The following PABPC4L variants were observed in gnomAD, a reference collection of about 807,000 sequenced individuals.
The protein encoded by PABPC4L is polyadenylate-binding protein 4-like.
For synonymous variants in PABPC4L, 169 were observed against 164.1 expected, an observed-to-expected ratio of 1.03 and a Z score of -0.23; for missense variants, 452 against 451.4, an observed-to-expected ratio of 1.00 and a Z score of -0.01.
At chr4:134,110,541 T>A in the PABPC4L span, among the ~76,000 whole-genome samples, 2 of 149,718 alleles carry the variant, frequency 1.3e-5, no homozygotes, top group East Asian at 2.0e-4. Context: ...GAATAAAAAG[T>A]GTATCTTTCT....
the PABPC4L span, among the ~76,000 whole-genome samples, chr4:134,107,679 A>G: frequency 6.6e-6 from 1 of 151,766 alleles, no homozygotes; most frequent in East Asian, 1.9e-4. Context: ...TAATTAATCA[A>G]TAATTTACCC....
chr4:134,078,821 T>C, the PABPC4L span, among the ~76,000 whole-genome samples: 1 of 150,700 alleles, frequency 6.6e-6, no homozygotes, highest in East Asian at 2.0e-4. Flanking sequence ...CCTGGCTAAT[T>C]TTTTTTTCTT....
chr4:134,171,221 T>C, the PABPC4L span, among the ~76,000 whole-genome samples: 1 of 152,100 alleles, frequency 6.6e-6, no homozygotes, highest in East Asian at 1.9e-4. Flanking sequence ...GTTCAAGCAA[T>C]TATGCTGCCT....
the PABPC4L span, among the ~76,000 whole-genome samples, chr4:133,952,755 C>T: frequency 6.6e-6 from 1 of 152,060 alleles, no homozygotes; most frequent in African/African-American, 2.4e-5. Context: ...CTTTTATTTG[C>T]CCCTCCTCTA....
the PABPC4L span, among the ~76,000 whole-genome samples, chr4:133,997,821 G>T: frequency 2.0e-5 from 3 of 152,138 alleles, no homozygotes; most frequent in African/African-American, 7.2e-5. Flanking sequence ...TCACTTCCGT[G>T]TAATGCATGT....
the PABPC4L span, among the ~76,000 whole-genome samples, chr4:133,958,935 C>G: frequency 2.0e-5 from 3 of 152,120 alleles, no homozygotes; most frequent in African/African-American, 7.2e-5. Context: ...CTAAGTTCTC[C>G]CAGTTTGTTA....
chr4:134,201,061 T>C lies in PABPC4L; in HGVS notation c.-42A>G, dbSNP rs1639462182. 1.9e-6 allele frequency: 3 copies of C among 1,551,538 alleles called. No homozygotes were observed. The highest frequency in any genetic ancestry group is 2.6e-6 in the Non-Finnish European group (3 of 1,146,952). ...CTGTGAGTTTGTCCCCTGGAGTTCT[T>C]TGAGCAATCCCTGTGGGGGGATACT... is the stretch of plus-strand genomic sequence containing the variant. On this transcript the variant is annotated 5_prime_UTR_variant, in exon 2 of 2. Transcript: ENST00000421491.
chr4:134,032,858 T>A, the PABPC4L span, among the ~76,000 whole-genome samples: 1 of 151,848 alleles, frequency 6.6e-6, no homozygotes, highest in African/African-American at 2.4e-5. Flanking sequence ...GATGTTAAAC[T>A]GAGTTTTTAT....
At chr4:133,960,405 G>A in the PABPC4L span, among the ~76,000 whole-genome samples, 4 of 152,166 alleles carry the variant, frequency 2.6e-5, no homozygotes, top group South Asian at 4.1e-4. Flanking sequence ...GAGGAGCAAC[G>A]GAAAGACCCT....
the PABPC4L span, among the ~76,000 whole-genome samples, chr4:134,123,017 A>C: frequency 6.6e-6 from 1 of 152,016 alleles, no homozygotes; most frequent in Non-Finnish European, 1.5e-5. Flanking sequence ...AAGCTGTCAC[A>C]TACACTAAAT....
the PABPC4L span, among the ~76,000 whole-genome samples, chr4:134,131,325 TAGTA>T: frequency 7.9e-5 from 12 of 152,030 alleles, no homozygotes; most frequent in East Asian, 3.9e-4. Context: ...CTCCTAGATA[TAGTA>T]AGTGAGTTCA....
At chr4:134,149,114 T>C in the PABPC4L span, among the ~76,000 whole-genome samples, 1 of 152,104 alleles carries the variant, frequency 6.6e-6, no homozygotes, top group African/African-American at 2.4e-5. Context: ...TTACTGCTTG[T>C]TCCAAAGCAC....
chr4:134,185,081 G>A, the PABPC4L span, among the ~76,000 whole-genome samples: 2 of 151,908 alleles, frequency 1.3e-5, no homozygotes, highest in African/African-American at 2.4e-5. Flanking sequence ...CCTTTATCAG[G>A]TGTCTTTCTC....
chr4:133,971,818 C>T, the PABPC4L span, among the ~76,000 whole-genome samples: 1 of 152,138 alleles, frequency 6.6e-6, no homozygotes, highest in Non-Finnish European at 1.5e-5. Flanking sequence ...TTTCATGTTG[C>T]AACCTTAGAT....
chr4:134,123,912 G>T, the PABPC4L span, among the ~76,000 whole-genome samples: 1 of 152,014 alleles, frequency 6.6e-6, no homozygotes, highest in Non-Finnish European at 1.5e-5. Flanking sequence ...TGGGTATACT[G>T]GTTATTGCAT....
At chr4:134,153,991 GT>G in the PABPC4L span, among the ~76,000 whole-genome samples, 1 of 151,842 alleles carries the variant, frequency 6.6e-6, no homozygotes, top group African/African-American at 2.4e-5. Flanking sequence ...AAAAAGGAAG[GT>G]GGTGAATCCT....
At chr4:134,155,437 G>GAGTCATGTACAAAACATAC in the PABPC4L span, among the ~76,000 whole-genome samples, 2 of 75,326 alleles carry the variant, frequency 2.7e-5, no homozygotes, top group Non-Finnish European at 5.0e-5. Context: ...CACACACACA[G>GAGTCATGTACAAAACATAC]AGTCATGTAC....
chr4:134,159,172 T>C, the PABPC4L span, among the ~76,000 whole-genome samples: 5 of 152,180 alleles, frequency 3.3e-5, no homozygotes, highest in Admixed American at 2.0e-4. Context: ...CTGTAGACTT[T>C]AGAACACTGT....
At chr4:133,948,585 G>T in the PABPC4L span, among the ~76,000 whole-genome samples, 1 of 152,062 alleles carries the variant, frequency 6.6e-6, no homozygotes, top group Non-Finnish European at 1.5e-5. Context: ...ATTGCTTTAG[G>T]GTCTGATCTT....
Sources: allele counts gnomAD v4.1 joint callset (sites outside exome capture counted in the v4.1 genomes callset), GRCh38; gene constraint gnomAD v4.1.1; transcripts MANE v1.5; gene names NCBI Gene and HGNC (gene_info 2026-07-23, HGNC 2026-07-21).